IKBKB: variants seen among roughly 807,000 people sequenced by gnomAD.
The protein encoded by IKBKB is inhibitor of nuclear factor kappa B kinase subunit beta.
A neutral mutation model predicts 113.6 loss-of-function variants in IKBKB; 42 were observed. The observed-to-expected ratio is 0.37, with a 90% CI of 0.29 to 0.48. IKBKB has a LOEUF of 0.48. Ranked by LOEUF, IKBKB falls within the 20% of genes least tolerant of loss-of-function variation. The probability of loss-of-function intolerance (pLI) is 0.99; values close to 1 mark genes in which losing one functional copy is unlikely to be tolerated. For missense variants in IKBKB, 673 were observed against 939.7 expected (o/e 0.72, Z 3.71); for synonymous variants, 296 against 361.3 (o/e 0.82, Z 2.05).
Position 42,314,434 on chromosome 8 carries a change from G to T in IKBKB, c.800+5G>T. The stretch of plus-strand genomic sequence containing the variant: ...CTACCCCAATAATCTTAACAGGTAA[G>T]GCACAGCGGCATTACACGAATACAT... On this transcript the variant is annotated splice_donor_5th_base_variant and intron_variant, in intron 9 of 21. Transcript: ENST00000520810. 1 of 1,516,678 alleles carries T rather than the reference G, an allele frequency of 6.6e-7. No homozygotes were observed. Among genetic ancestry groups the T allele is most frequent in the Non-Finnish European group, 9.2e-7 (1 of 1,091,442 alleles). The allele number at this position is 1,516,678 out of a possible 1,614,324, so 94.0% of individuals were successfully genotyped here.
intron 8 of IKBKB, among the ~76,000 whole-genome samples, chr8:42,311,476 G>A (rs1399410315): frequency 6.7e-6 from 1 of 149,122 alleles, no homozygotes; most frequent in African/African-American, 2.5e-5. Context: ...CAGGAGAATC[G>A]CTGGAACCCA....
intron 5 of IKBKB, among the ~76,000 whole-genome samples, chr8:42,303,090 A>AGAGAGAGAGAGAGAGAGAGAGAGAGAG (rs1815668991): frequency 2.0e-5 from 2 of 101,214 alleles, no homozygotes; most frequent in South Asian, 3.4e-4. Flanking sequence ...AGAGAGAGAG[A>AGAGAGAGAGAGAGAGAGAGAGAGAGAG]ATGAGAGAGA....
intron 2 of IKBKB, among the ~76,000 whole-genome samples, chr8:42,275,761 T>C (rs1357307717): frequency 6.6e-6 from 1 of 152,244 alleles, no homozygotes. Context: ...GGTGCCCATA[T>C]CTCTTTGATA....
rs904196649 is a variant in IKBKB at position 42,330,141 on chromosome 8, A to C, written c.2206-773A>C. The C allele has an allele frequency of 1.1e-5, 11 of 985,276 alleles. No homozygotes were observed. The African/African-American group carries it at 1.9e-4, about 17-fold the overall frequency. The allele number at this position is 985,276 out of a possible 1,614,324, so 61.0% of individuals were successfully genotyped here. ...AGGCTGGAAATCCATAACTGAGATT[A>C]GCTACCCACAGTGAGCATGGGAGTG... On this transcript the variant is annotated intron_variant, in intron 21 of 21. Coordinates refer to ENST00000520810, the MANE Select transcript of IKBKB (RefSeq NM_001556.3).
chr8:42,294,338 GT>G (rs1372527338), intron 5 of IKBKB, among the ~76,000 whole-genome samples: 1 of 152,112 alleles, frequency 6.6e-6, no homozygotes, highest in African/African-American at 2.4e-5. Context: ...GTTTGCTCAA[GT>G]TTTTTTGGAA....
rs113105273 is a variant in IKBKB at position 42,327,481 on chromosome 8, A to G, written c.2114+1384A>G. On this transcript the variant is annotated intron_variant, in intron 20 of 21. Coordinates refer to ENST00000520810, the MANE Select transcript of IKBKB (RefSeq NM_001556.3). ...CCCGAGTAGCTGGGACTACAGGTGC[A>G]TGCCACCACAACCGGCTGATTTTTT... Among the ~76,000 whole-genome samples the G allele has an allele frequency of 4.2e-4, 64 of 151,060 alleles. 2 individuals are homozygous for G. Among genetic ancestry groups the G allele is most frequent in the African/African-American group, 1.4e-3 (57 of 40,972 alleles).
In IKBKB at chr8:42,322,495, G is replaced by T; in HGVS notation, c.1986+1G>T. ...CTGGAATCTCCTGAAGATTGCTTGT[G>T]TGAGTGAGTGCTGTGGTCCCGGGCC... On this transcript the variant is annotated splice_donor_variant, in intron 19 of 21. Coordinates refer to ENST00000520810, the MANE Select transcript of IKBKB (RefSeq NM_001556.3). LOFTEE classifies it high-confidence loss of function. 6.2e-7 allele frequency: 1 copy of T among 1,613,860 alleles called. No homozygotes were observed. Among genetic ancestry groups the T allele is most frequent in the Non-Finnish European group, 8.5e-7 (1 of 1,179,994 alleles).
At chr8:42,322,821 G>T (rs112934628) in intron 19 of IKBKB, among the ~76,000 whole-genome samples, 1 of 152,212 alleles carries the variant, frequency 6.6e-6, no homozygotes, top group East Asian at 1.9e-4. Flanking sequence ...GGAGGCTGAG[G>T]TGGGAGGATT....
rs200443175 is a variant in IKBKB, at chr8:42,322,164, C to T, written c.1838+11C>T. On this transcript the variant is annotated intron_variant, in intron 18 of 21. Coordinates refer to ENST00000520810, the MANE Select transcript of IKBKB (RefSeq NM_001556.3). ...CTATACGCAGCTCAGGTATGAGCCC[C>T]GACCTTCCTGCTCTGGAGGAAGGAC... 2.4e-5 allele frequency: 39 copies of T among 1,607,082 alleles called. No individual in the cohort carries two copies. Among genetic ancestry groups the T allele is most frequent in the African/African-American group, 1.3e-5 (1 of 74,592 alleles).
chr8:42,275,801 C>T (rs1808958848), intron 2 of IKBKB, among the ~76,000 whole-genome samples: 1 of 152,070 alleles, frequency 6.6e-6, no homozygotes, highest in South Asian at 2.1e-4. Flanking sequence ...GGATAGATAC[C>T]CAGTAGTGGG....
intron 11 of IKBKB, chr8:42,317,130 C>G: frequency 1.7e-6 from 1 of 591,058 alleles, no homozygotes; most frequent in African/African-American, 1.9e-5. Context: ...CAAGACCGGT[C>G]TCTTGCCTTT....
At chr8:42,279,151 C>T (rs1292742206) in intron 2 of IKBKB, among the ~76,000 whole-genome samples, 2 of 152,250 alleles carry the variant, frequency 1.3e-5, no homozygotes, top group African/African-American at 4.8e-5. Context: ...CTCTACCTTC[C>T]TTCCCCGTGG....
rs1038232592 is a variant in IKBKB, at chr8:42,314,189, T to C, written c.693-133T>C. ...AATAGGGTGTACGATACAGCCTAGG[T>C]CTGTAGTAGGCTAAACCATCTAGGT... On this transcript the variant is annotated intron_variant, in intron 8 of 21. Coordinates refer to ENST00000520810, the MANE Select transcript of IKBKB (RefSeq NM_001556.3). The C allele has an allele frequency of 7.0e-6, 5 of 718,368 alleles. No homozygotes were observed. The Admixed American group carries it at 7.7e-5, about 11-fold the overall frequency. 44.5% of individuals were successfully genotyped at this position (718,368 alleles called of 1,614,324 possible).
Position 42,295,116 on chromosome 8 carries a change from CTTTTTTT to C in IKBKB, c.388+1618_388+1624del, listed in dbSNP as rs903163193. Among the ~76,000 whole-genome samples, 712 of 113,796 alleles carry C rather than the reference CTTTTTTT, an allele frequency of 6.3e-3. 10 individuals carry two copies. Among genetic ancestry groups the C allele is most frequent in the African/African-American group, 0.02 (622 of 30,872 alleles). The allele number at this position is 113,796 out of a possible 152,430, so 74.7% of individuals were successfully genotyped here. ...TTTAGCAAGTAGTTATTACGAAAGT[CTTTTTTT>C]TTTTTTTTTTTTTGAGATGATGGCT... On this transcript the variant is annotated intron_variant, in intron 5 of 21. Transcript: ENST00000520810.
Position 42,318,348 on chromosome 8 carries a change from C to T in IKBKB, c.1241-204C>T, listed in dbSNP as rs112974196. ...TTCGTAAAGTGTTCCTTCAAATCAACAGCTACTTATTGACCACTGGTACAT... is the reference window on the plus strand; with the variant it reads ...TTCGTAAAGTGTTCCTTCAAATCAATAGCTACTTATTGACCACTGGTACAT... On this transcript the variant is annotated intron_variant, in intron 12 of 21. Coordinates refer to ENST00000520810, the MANE Select transcript of IKBKB (RefSeq NM_001556.3). 4.4e-4 allele frequency among the ~76,000 whole-genome samples: 67 copies of T among 152,086 alleles called. 2 individuals are homozygous for T. The highest frequency in any genetic ancestry group is 1.4e-3 in the African/African-American group (60 of 41,462).
Position 42,316,577 on chromosome 8 carries a change from T to G in IKBKB, c.931-133T>G. 1 of 936,044 alleles carries G rather than the reference T, an allele frequency of 1.1e-6. No homozygotes were observed. The highest frequency in any genetic ancestry group is 1.6e-6 in the Non-Finnish European group (1 of 631,368). The allele number at this position is 936,044 out of a possible 1,614,324, so 58.0% of individuals were successfully genotyped here. On this transcript the variant is annotated intron_variant, in intron 10 of 21. Coordinates refer to ENST00000520810, the MANE Select transcript of IKBKB (RefSeq NM_001556.3). This position sits in a 1 kb window ranked among gnomAD's most constrained non-coding sequence, Gnocchi z 4.5. ...AATATGCGAAACATGGCACATGACC[T>G]CCCTCCCTCAAGCTAGGCCCTTGCT...
chr8:42,296,108 A>C (rs1813728980), intron 5 of IKBKB, among the ~76,000 whole-genome samples: 1 of 152,260 alleles, frequency 6.6e-6, no homozygotes, highest in Admixed American at 6.5e-5. Flanking sequence ...AGTACTAACT[A>C]GTACACTACA....
rs755634734 is a variant in IKBKB at position 42,316,677 on chromosome 8, C to T, written c.931-33C>T. 23 of 1,581,436 alleles carry T rather than the reference C, an allele frequency of 1.5e-5. No individual in the cohort carries two copies. The highest frequency in any genetic ancestry group is 1.9e-5 in the Non-Finnish European group (22 of 1,159,670). On this transcript the variant is annotated intron_variant, in intron 10 of 21. Transcript: ENST00000520810. This position sits in a 1 kb window ranked among gnomAD's most constrained non-coding sequence, Gnocchi z 4.5. Reference sequence around the variant, plus strand: ...TAGATGGGCATTTCCTTGAAGAAATCGGTTTTCCAGTAACATCTGGGTTGT... The same window carrying T: ...TAGATGGGCATTTCCTTGAAGAAATTGGTTTTCCAGTAACATCTGGGTTGT...
chr8:42,302,885 A>T (rs955716197), intron 5 of IKBKB, among the ~76,000 whole-genome samples: 3 of 151,876 alleles, frequency 2.0e-5, no homozygotes, highest in African/African-American at 7.3e-5. Flanking sequence ...TCTCAGTTTG[A>T]CTCTTAAATA....
Sources: gnomAD v4.1 joint callset for allele counts (sites outside exome capture counted in the v4.1 genomes callset) on GRCh38, gnomAD v4.1.1 for gene constraint, Gnocchi (gnomAD v3.1) non-coding constraint, MANE v1.5 for transcripts, NCBI Gene and HGNC (gene_info 2026-07-23, HGNC 2026-07-21) for gene names.